The following SPATA18 variants were observed in gnomAD, a reference collection of about 807,000 sequenced individuals.
SPATA18 encodes the protein spermatogenesis associated 18.
Under a neutral mutation model 68.1 loss-of-function variants are expected in SPATA18, and 54 were observed. The observed-to-expected ratio is 0.79, with a 90% CI of 0.64 to 0.99. SPATA18 has a LOEUF of 0.99. Ranked by LOEUF, SPATA18 falls within the 50% of genes least tolerant of loss-of-function variation. SPATA18 has a pLI of 0.00. For synonymous variants in SPATA18, 242 were observed against 244.8 expected (o/e 0.99, Z 0.11); for missense variants, 724 against 681.1 (o/e 1.06, Z -0.70).
rs1223886202 is a variant in SPATA18, at chr4:52,095,021, CAG to C, written c.*139_*140del. 1 of 1,045,366 alleles carries C rather than the reference CAG, an allele frequency of 9.6e-7. No individual in the cohort carries two copies. Among genetic ancestry groups the C allele is most frequent in the Non-Finnish European group, 1.5e-6 (1 of 677,918 alleles). 64.8% of individuals were successfully genotyped at this position (1,045,366 alleles called of 1,614,324 possible). On this transcript the variant is annotated 3_prime_UTR_variant, in exon 13 of 13. Coordinates refer to ENST00000295213, the MANE Select transcript of SPATA18 (RefSeq NM_145263.4). ...AGGCAATTCTGTGTATCACCCCACA[CAG>C]AGAGTTAAATGTTTTGGCTTGGCGC...
intron 11 of SPATA18, 39 bp downstream of exon 11, chr4:52,085,038 T>C: frequency 1.4e-6 from 2 of 1,446,926 alleles, no homozygotes; most frequent in Non-Finnish European, 9.3e-7. Flanking sequence ...AAAATTCATC[T>C]ATGGTTGGCT....
chr4:52,072,208 A>C (rs1157212596), intron 6 of SPATA18, 52 bp downstream of exon 6: 1 of 1,598,350 alleles, frequency 6.3e-7, no homozygotes. Flanking sequence ...TGCTGAGTTA[A>C]GGGATCGGGG....
chr4:52,093,469 C>G (rs1742157506), intron 11 of SPATA18, among the ~76,000 whole-genome samples: 1 of 152,138 alleles, frequency 6.6e-6, no homozygotes, highest in Non-Finnish European at 1.5e-5. Flanking sequence ...TGGCACAATC[C>G]TTTTGCTCTT....
Position 52,078,854 on chromosome 4 carries a change from T to G in SPATA18, c.1140T>G (p.Ile380Met). Residue 380 changes from isoleucine (I) to methionine (M), a missense_variant, in exon 8 of 13, where the codon ATT (isoleucine) becomes ATG (methionine). Coordinates refer to ENST00000295213, the MANE Select transcript of SPATA18 (RefSeq NM_145263.4). ...AGAATGCTGTCTTGGATTATGTCAT[T>G]TGTCATCTTGATCTATATGATTCTC... The part of the protein sequence containing the change: ...DFENAVLDYV[I>M]CHLDLYDSQS... The G allele has an allele frequency of 6.2e-7, 1 of 1,605,434 alleles. No individual in the cohort carries two copies. The highest frequency in any genetic ancestry group is 8.5e-7 in the Non-Finnish European group (1 of 1,172,926).
At chr4:52,093,100 A>G (rs1264429546) in intron 11 of SPATA18, among the ~76,000 whole-genome samples, 1 of 152,202 alleles carries the variant, frequency 6.6e-6, no homozygotes, top group African/African-American at 2.4e-5. Context: ...ACAAGGTTTT[A>G]CCAATATAAC....
intron 6 of SPATA18, among the ~76,000 whole-genome samples, 191 bp downstream of exon 6, chr4:52,072,347 T>C (rs1739936739): frequency 6.6e-6 from 1 of 152,164 alleles, no homozygotes; most frequent in Non-Finnish European, 1.5e-5. Flanking sequence ...ACCTCCTGAG[T>C]TGCCAGCACT....
chr4:52,056,318 C>A (rs2109405312), intron 1 of SPATA18, among the ~76,000 whole-genome samples: 1 of 152,322 alleles, frequency 6.6e-6, no homozygotes, highest in Admixed American at 6.5e-5. Context: ...AGCTCAGCTC[C>A]AGTGCTGGAG....
chr4:52,058,205 C>T (rs543968820), intron 1 of SPATA18, among the ~76,000 whole-genome samples: 114 of 152,274 alleles, frequency 7.5e-4, no homozygotes, highest in Non-Finnish European at 1.5e-3. Flanking sequence ...CATTCATCAA[C>T]GTTGTTTAGA....
intron 8 of SPATA18, among the ~76,000 whole-genome samples, chr4:52,079,412 C>G (rs536048911): frequency 2.0e-5 from 3 of 152,128 alleles, no homozygotes; most frequent in African/African-American, 4.8e-5. Flanking sequence ...GGATTATGAA[C>G]AATTCAGAGT....
At chr4:52,083,673 A>C (rs1741147428) in intron 10 of SPATA18, among the ~76,000 whole-genome samples, 1 of 150,248 alleles carries the variant, frequency 6.7e-6, no homozygotes, top group African/African-American at 2.4e-5. Context: ...TGAGCTGGAG[A>C]GGTTGAGGCT....
At chr4:52,062,009 C>T (rs1738896024) in intron 3 of SPATA18, among the ~76,000 whole-genome samples, 1 of 152,142 alleles carries the variant, frequency 6.6e-6, no homozygotes, top group Non-Finnish European at 1.5e-5. Context: ...CAGACATCTC[C>T]ATCACTCTAG....
chr4:52,051,842 A>G (rs889346480), intron 1 of SPATA18, 51 bp downstream of exon 1: 1 of 1,533,738 alleles, frequency 6.5e-7, no homozygotes, highest in Non-Finnish European at 9.0e-7. Flanking sequence ...AGGTTCCAGC[A>G]CAGCCCTTGT....
chr4:52,051,464 C>G lies in SPATA18; in HGVS notation c.-241C>G, dbSNP rs1442618125. ...CCGGGCTCAGGCGGCTGCTGGGGAGCCAGGAGACCGCGCGGGACGGCGGAT... is the reference window on the plus strand; with the variant it reads ...CCGGGCTCAGGCGGCTGCTGGGGAGGCAGGAGACCGCGCGGGACGGCGGAT... On this transcript the variant is annotated 5_prime_UTR_variant, in exon 1 of 13. Coordinates refer to ENST00000295213, the MANE Select transcript of SPATA18 (RefSeq NM_145263.4). The G allele has an allele frequency of 1.9e-6, 1 of 535,160 alleles. No individual in the cohort carries two copies. Among genetic ancestry groups the G allele is most frequent in the East Asian group, 2.9e-5 (1 of 34,026 alleles). 33.2% of individuals were successfully genotyped at this position (535,160 alleles called of 1,614,324 possible).
chr4:52,092,394 G>C (rs1293974032), intron 11 of SPATA18, among the ~76,000 whole-genome samples: 1 of 152,240 alleles, frequency 6.6e-6, no homozygotes, highest in Admixed American at 6.5e-5. Flanking sequence ...AAGACCATGG[G>C]ACAAGCGCAG....
intron 11 of SPATA18, 85 bp from the exon 12 acceptor site, chr4:52,094,442 T>C (rs1742252875): frequency 7.1e-7 from 1 of 1,406,494 alleles, no homozygotes; most frequent in African/African-American, 1.4e-5. Context: ...TTTGGTTGGT[T>C]TTAGGGAAAA....
In SPATA18 at chr4:52,060,406, T is replaced by C. The variant is rs994685733; in HGVS notation, c.88-13T>C. On this transcript the variant is annotated splice_polypyrimidine_tract_variant and intron_variant, in intron 1 of 12. Transcript: ENST00000295213. ...AGTAATTACCCTGGTTATCTACTGT[T>C]TTGCCCTTGCAGACAAACACGTGTG... is the stretch of plus-strand genomic sequence containing the variant. The C allele has an allele frequency of 6.2e-7, 1 of 1,611,708 alleles. No individual in the cohort carries two copies. The highest frequency in any genetic ancestry group is 1.3e-5 in the African/African-American group (1 of 74,854).
intron 6 of SPATA18, 65 bp downstream of exon 6, chr4:52,072,221 G>T: frequency 6.4e-7 from 1 of 1,568,260 alleles, no homozygotes; most frequent in Non-Finnish European, 8.6e-7. Context: ...GATCGGGGAG[G>T]AGGAAATAAG....
Position 52,062,351 on chromosome 4 carries a change from A to G in SPATA18, c.422+19A>G. The G allele has an allele frequency of 6.7e-7, 1 of 1,482,116 alleles. No homozygotes were observed. The highest frequency in any genetic ancestry group is 9.3e-7 in the Non-Finnish European group (1 of 1,076,600). 91.8% of individuals were successfully genotyped at this position (1,482,116 alleles called of 1,614,324 possible). The stretch of plus-strand genomic sequence containing the variant: ...AAGACGAGTAAGAGGAATGCAAGTT[A>G]TCTTTTTCCAAAAAGAATTGTTTTC... On this transcript the variant is annotated intron_variant, in intron 4 of 12. Transcript: ENST00000295213.
intron 7 of SPATA18, chr4:52,078,399 T>G: frequency 5.7e-6 from 1 of 176,780 alleles, no homozygotes; most frequent in Non-Finnish European, 1.2e-5. Flanking sequence ...ACTGATAATG[T>G]TCTCTTATTT....
Sources: gnomAD v4.1 joint callset for allele counts (sites outside exome capture counted in the v4.1 genomes callset) on GRCh38, gnomAD v4.1.1 for gene constraint, MANE v1.5 for transcripts, NCBI Gene and HGNC (gene_info 2026-07-23, HGNC 2026-07-21) for gene names.